The following GSK3B variants were observed in gnomAD, a reference collection of about 807,000 sequenced individuals.
The protein encoded by GSK3B is glycogen synthase kinase-3 beta.
GSK3B carries 15 observed loss-of-function variants against 56.4 expected under a neutral mutation model. The ratio of observed to expected loss-of-function variants is 0.27; its 90% CI spans 0.18 to 0.41. The LOEUF (loss-of-function observed/expected upper bound fraction) is 0.41, where lower values mean the gene tolerates loss of function less well. GSK3B is among the 10% of genes least tolerant of loss of function. The pLI, the probability that GSK3B is intolerant of heterozygous loss-of-function variation, is 1.00. For synonymous variants in GSK3B, 181 were observed against 188.9 expected, an observed-to-expected ratio of 0.96 and a Z score of 0.34; for missense variants, 300 against 513.4, an observed-to-expected ratio of 0.58 and a Z score of 4.02.
At chr3:119,935,316 T>C (rs1219810437) in intron 3 of GSK3B, among the ~76,000 whole-genome samples, 1 of 152,154 alleles carries the variant, frequency 6.6e-6, no homozygotes, top group African/African-American at 2.4e-5. Flanking sequence ...GTAATTTTCA[T>C]AATATAGTAA....
chr3:119,956,612 A>C (rs575318821), intron 2 of GSK3B, among the ~76,000 whole-genome samples: 1 of 152,334 alleles, frequency 6.6e-6, no homozygotes, highest in Non-Finnish European at 1.5e-5. Context: ...CTATAAAATA[A>C]GAAAAAAAGT....
chr3:119,897,793 C>CAA (rs11464173), intron 7 of GSK3B, among the ~76,000 whole-genome samples: 4,276 of 72,938 alleles, frequency 0.059, 249 homozygotes, highest in African/African-American at 0.16. Context: ...GACTCTGTCT[C>CAA]AAAAAAAAAA....
Position 119,916,152 on chromosome 3 carries a change from C to T in GSK3B, c.500G>A (p.Arg167Gln), listed in dbSNP as rs756003147. ...YVKLYMYQLF[R>Q]SLAYIHSFGI... is the part of the protein sequence containing the mutation. ...AAAGGAATGGATATAGGCTAAACTT[C>T]GGAACAGCTGATACATATACAACTG... is the stretch of plus-strand genomic sequence containing the variant. Residue 167 changes from arginine (R) to glutamine (Q), a missense_variant, in exon 5 of 11, where the codon CGA (arginine) becomes CAA (glutamine). By Grantham distance (43) the Arg-to-Gln change is conservative (BLOSUM62 1). Around this residue, in one of 6 missense-constraint regions of GSK3B, gnomAD observed 62 missense variants for 84.0 expected, o/e 0.74. Transcript: ENST00000264235. 2 of 1,603,964 alleles carry T rather than the reference C, an allele frequency of 1.2e-6. No individual in the cohort carries two copies. Among genetic ancestry groups the T allele is most frequent in the Middle Eastern group, 1.7e-4 (1 of 6,026 alleles).
At chr3:119,899,400 C>T (rs2056603876) in intron 7 of GSK3B, among the ~76,000 whole-genome samples, 1 of 152,046 alleles carries the variant, frequency 6.6e-6, no homozygotes, top group South Asian at 2.1e-4. Context: ...AGTAGTGATG[C>T]TTACTTCTTA....
At chr3:119,968,622 C>T (rs1272875382) in intron 2 of GSK3B, among the ~76,000 whole-genome samples, 1 of 151,680 alleles carries the variant, frequency 6.6e-6, no homozygotes, top group Non-Finnish European at 1.5e-5. Flanking sequence ...TGATAAAGTA[C>T]AATAAAAAAC....
Position 119,824,122 on chromosome 3 carries a change from G to C in GSK3B, c.*2666C>G, listed in dbSNP as rs1448907508. ...AGTAACTTTTTGCTCATTAATAACA[G>C]TTCCTGGGTCCACATATTTACATAC... On this transcript the variant is annotated 3_prime_UTR_variant, in exon 11 of 11. Transcript: ENST00000264235. 1.5e-5 allele frequency: 3 copies of C among 201,748 alleles called. No individual in the cohort carries two copies. The highest frequency in any genetic ancestry group is 4.6e-5 in the African/African-American group (2 of 43,570). The allele number at this position is 201,748 out of a possible 1,614,324, so 12.5% of individuals were successfully genotyped here.
chr3:119,994,998 A>G (rs76271769), intron 2 of GSK3B, among the ~76,000 whole-genome samples: 504 of 152,226 alleles, frequency 3.3e-3, no homozygotes, highest in Middle Eastern at 0.01. Flanking sequence ...TAGGGATAAA[A>G]GAGCCTCATA....
intron 3 of GSK3B, among the ~76,000 whole-genome samples, chr3:119,931,790 T>C (rs1395826497): frequency 9.9e-5 from 15 of 152,142 alleles, no homozygotes; most frequent in Admixed American, 9.8e-4. Flanking sequence ...AGAAGTCCTT[T>C]GAAAGGAATC....
Position 119,876,840 on chromosome 3 carries a change from C to T in GSK3B, c.814-332G>A, listed in dbSNP as rs187592823. 2.4e-4 allele frequency among the ~76,000 whole-genome samples: 36 copies of T among 152,276 alleles called. 1 individual carries two copies. The highest frequency in any genetic ancestry group is 2.1e-3 in the Admixed American group (32 of 15,282). On this transcript the variant is annotated intron_variant, in intron 7 of 10. Transcript: ENST00000264235. ...TAGAAATGTAAGTTTGGCTCCCTCT[C>T]ACTCTTGCCTTGTCTTGACTTTCTG... is the stretch of plus-strand genomic sequence containing the variant.
At chr3:119,922,459 CTA>C (rs990676946) in intron 4 of GSK3B, among the ~76,000 whole-genome samples, 26 of 145,528 alleles carry the variant, frequency 1.8e-4, no homozygotes, top group African/African-American at 3.3e-4. Flanking sequence ...ATTATATATA[CTA>C]TATATATATA....
chr3:119,962,497 C>T (rs1158382440), intron 2 of GSK3B, among the ~76,000 whole-genome samples: 1 of 151,938 alleles, frequency 6.6e-6, no homozygotes, highest in East Asian at 1.9e-4. Context: ...AGAATGCCCA[C>T]TCTTGCCATC....
At chr3:120,036,101 C>T (rs887871297) in intron 1 of GSK3B, among the ~76,000 whole-genome samples, 2 of 152,122 alleles carry the variant, frequency 1.3e-5, no homozygotes, top group Non-Finnish European at 2.9e-5. Context: ...GTATTAGCTC[C>T]GGGTTTTTTC....
rs189372109 is a variant in GSK3B at position 119,858,240 on chromosome 3, C to T, written c.1096+5179G>A. On this transcript the variant is annotated intron_variant, in intron 9 of 10. Coordinates refer to ENST00000264235, the MANE Select transcript of GSK3B (RefSeq NM_001146156.2). ...CTTTGAAGCTTTGAAGCCAGGCCAT[C>T]GACTTCTCCTCTCTAGCTAAGAAGA... 1.1e-3 allele frequency among the ~76,000 whole-genome samples: 172 copies of T among 152,302 alleles called. 1 individual carries two copies. The highest frequency in any genetic ancestry group is 3.7e-3 in the African/African-American group (153 of 41,566).
chr3:119,963,449 C>T (rs552430844), intron 2 of GSK3B, among the ~76,000 whole-genome samples: 1 of 151,670 alleles, frequency 6.6e-6, no homozygotes, highest in South Asian at 2.1e-4. Context: ...TTTTATAAAA[C>T]TACAGTAATC....
At position 119,912,717 on chromosome 3, in the gene GSK3B, A is replaced by T; in HGVS notation, c.702T>A (p.Tyr234Ter). ...APELIFGATDYTSSIDVWSAG... is the reference protein window; with the variant it reads ...APELIFGATD ...ATTTGTACTTACCTATACTAGAGGT[A>T]TAATCAGTGGCTCCAAAGATCAACT... The change falls in exon 6 of 11, where the codon TAT becomes TAA. Residue 234 changes from tyrosine (Y) to a stop codon, truncating the protein, a stop_gained. Coordinates refer to ENST00000264235, the MANE Select transcript of GSK3B (RefSeq NM_001146156.2). LOFTEE classifies it high-confidence loss of function. The T allele has an allele frequency of 6.8e-7, 1 of 1,479,860 alleles. No individual in the cohort carries two copies. The highest frequency in any genetic ancestry group is 9.4e-7 in the Non-Finnish European group (1 of 1,060,224). The allele number at this position is 1,479,860 out of a possible 1,614,324, so 91.7% of individuals were successfully genotyped here. A position where few individuals can be genotyped will look rare whatever the true frequency, so the allele number is the denominator to read the frequency against.
At chr3:119,983,477 C>A (rs983032991) in intron 2 of GSK3B, among the ~76,000 whole-genome samples, 3 of 150,280 alleles carry the variant, frequency 2.0e-5, no homozygotes, top group Admixed American at 6.7e-5. Flanking sequence ...TATGCAAAGA[C>A]GCACACAGAC....
At chr3:119,866,735 G>C (rs906945055) in intron 8 of GSK3B, 1 of 697,984 alleles carries the variant, frequency 1.4e-6, no homozygotes, top group Non-Finnish European at 2.5e-6. Context: ...TCCATGGTGT[G>C]GGGGGGGACA....
chr3:120,072,391 A>AT (rs764277101), intron 1 of GSK3B, among the ~76,000 whole-genome samples: 1 of 152,130 alleles, frequency 6.6e-6, no homozygotes, highest in Non-Finnish European at 1.5e-5. Context: ...ACACCATGGT[A>AT]GTTCGCCATG....
chr3:119,977,498 T>C (rs2057419289), intron 2 of GSK3B, among the ~76,000 whole-genome samples: 1 of 152,220 alleles, frequency 6.6e-6, no homozygotes, highest in South Asian at 2.1e-4. Context: ...GTTACTTTCT[T>C]AGAGCTGTAC....
Sources: allele counts gnomAD v4.1 joint callset (sites outside exome capture counted in the v4.1 genomes callset), GRCh38; gene constraint gnomAD v4.1.1; regional missense constraint gnomAD v4.1.1; transcripts MANE v1.5; gene names NCBI Gene and HGNC (gene_info 2026-07-23, HGNC 2026-07-21).